PCSK6: variants seen among roughly 807,000 people sequenced by gnomAD.
PCSK6 encodes the protein paired basic amino acid cleaving enzyme 4.
In PCSK6, 85 loss-of-function variants were observed where a neutral mutation model predicts 123.3. The observed-to-expected ratio is 0.69, with a 90% CI of 0.58 to 0.83. The LOEUF (loss-of-function observed/expected upper bound fraction) is 0.83. Among genes scored for constraint, PCSK6 ranks in the 40% least tolerant of loss-of-function variants. The probability of loss-of-function intolerance (pLI) is 0.00; values close to 1 mark genes in which losing one functional copy is unlikely to be tolerated. For synonymous variants in PCSK6, 508 were observed against 516.0 expected, an observed-to-expected ratio of 0.98 and a Z score of 0.21; for missense variants, 1,191 against 1,282.3, an observed-to-expected ratio of 0.93 and a Z score of 1.09.
intron 13 of PCSK6, among the ~76,000 whole-genome samples, chr15:101,361,859 G>A (rs1294994986): frequency 2.0e-5 from 3 of 151,832 alleles, no homozygotes; most frequent in Non-Finnish European, 4.4e-5. Context: ...GCAGTGGGCA[G>A]ACTGAGATAT....
intron 1 of PCSK6, among the ~76,000 whole-genome samples, chr15:101,446,855 T>C (rs12101753): frequency 0.041 from 6,187 of 151,896 alleles, 401 homozygotes; most frequent in African/African-American, 0.14. Context: ...ACGTGCTTTT[T>C]CCATAAACCT....
intron 1 of PCSK6, among the ~76,000 whole-genome samples, chr15:101,464,075 T>C (rs1174510249): frequency 1.3e-5 from 2 of 152,044 alleles, no homozygotes; most frequent in Admixed American, 1.3e-4. Flanking sequence ...GGCAGCGAAC[T>C]CTCACCCACC....
chr15:101,339,538 C>T (rs952420675), intron 13 of PCSK6, among the ~76,000 whole-genome samples: 4 of 152,182 alleles, frequency 2.6e-5, no homozygotes, highest in African/African-American at 9.7e-5. Context: ...ATACTGAATA[C>T]TCCTATAATT....
chr15:101,408,068 AG>A (rs1209911052), intron 6 of PCSK6, among the ~76,000 whole-genome samples: 2 of 152,184 alleles, frequency 1.3e-5, no homozygotes, highest in African/African-American at 4.8e-5. Flanking sequence ...ACACACAGGA[AG>A]CCAGTGAGAG....
intron 7 of PCSK6, among the ~76,000 whole-genome samples, chr15:101,396,334 G>C (rs1015156675): frequency 7.9e-5 from 12 of 152,200 alleles, no homozygotes; most frequent in Admixed American, 5.9e-4. Context: ...CATAGGCTCA[G>C]TGAACCAGAG....
At chr15:101,326,834 A>G (rs2040266460) in intron 15 of PCSK6, among the ~76,000 whole-genome samples, 1 of 152,180 alleles carries the variant, frequency 6.6e-6, no homozygotes, top group Admixed American at 6.5e-5. Context: ...TCATTCACTC[A>G]CTTGCACCAG....
intron 11 of PCSK6, among the ~76,000 whole-genome samples, chr15:101,376,401 C>T (rs141138311): frequency 2.0e-4 from 30 of 152,304 alleles, no homozygotes; most frequent in Non-Finnish European, 3.1e-4. Context: ...GTTCCAGCAA[C>T]GAGCACTAGT....
chr15:101,438,610 G>A (rs1350301393), intron 2 of PCSK6, among the ~76,000 whole-genome samples: 6 of 152,180 alleles, frequency 3.9e-5, no homozygotes, highest in Non-Finnish European at 7.4e-5. Context: ...GCGTCAGTCC[G>A]CCTTCCCATC....
chr15:101,342,129 C>CAAAAAAAAAAAAAAA (rs35083182), intron 13 of PCSK6, among the ~76,000 whole-genome samples: 21 of 51,518 alleles, frequency 4.1e-4, no homozygotes, highest in South Asian at 9.1e-4. Flanking sequence ...GACCCTGTCT[C>CAAAAAAAAAAAAAAA]AAAAAAAAAA....
intron 19 of PCSK6, among the ~76,000 whole-genome samples, chr15:101,317,213 G>A (rs1389322017): frequency 6.6e-6 from 1 of 152,144 alleles, no homozygotes; most frequent in African/African-American, 2.4e-5. Flanking sequence ...TGCCCGGCCA[G>A]TAGAGACTTA....
At chr15:101,455,829 A>G (rs4965385) in intron 1 of PCSK6, among the ~76,000 whole-genome samples, 36,716 of 152,196 alleles carry the variant, frequency 0.24, 4,715 homozygotes, top group South Asian at 0.33. Flanking sequence ...TCACCAAAAT[A>G]CAACTGAGGG....
Position 101,307,198 on chromosome 15 carries a change from C to A in PCSK6, c.2812+15G>T, listed in dbSNP as rs752238869. ...CCTCCACAGGCAGCCCCAGGGTAAC[C>A]CAGCTGCTGCTCACCGTTGCTGCAC... On this transcript the variant is annotated intron_variant, in intron 21 of 21. Transcript: ENST00000611716. The A allele has an allele frequency of 6.2e-7, 1 of 1,601,150 alleles. No individual in the cohort carries two copies. Among genetic ancestry groups the A allele is most frequent in the Non-Finnish European group, 8.6e-7 (1 of 1,169,508 alleles).
chr15:101,437,786 C>T (rs911312149), intron 2 of PCSK6, among the ~76,000 whole-genome samples: 5 of 152,136 alleles, frequency 3.3e-5, no homozygotes, highest in Non-Finnish European at 7.4e-5. Context: ...CGCCACCCAC[C>T]TCCACTCACT....
At chr15:101,320,926 G>A (rs1021318006) in intron 18 of PCSK6, among the ~76,000 whole-genome samples, 3 of 152,172 alleles carry the variant, frequency 2.0e-5, no homozygotes, top group African/African-American at 4.8e-5. Context: ...GACAGGAGGC[G>A]TTTTCTCTTT....
chr15:101,342,269 A>T (rs2040632817), intron 13 of PCSK6, among the ~76,000 whole-genome samples: 2 of 152,140 alleles, frequency 1.3e-5, no homozygotes, highest in Non-Finnish European at 2.9e-5. Flanking sequence ...AGGGGGATGG[A>T]ATTACACTGT....
intron 6 of PCSK6, among the ~76,000 whole-genome samples, chr15:101,413,390 CAAG>C (rs2055774500): frequency 6.6e-6 from 1 of 151,504 alleles, no homozygotes. Flanking sequence ...AAAAGCTATA[CAAG>C]AAGACATACT....
chr15:101,321,121 C>G (rs2040113254), intron 18 of PCSK6, among the ~76,000 whole-genome samples: 1 of 152,228 alleles, frequency 6.6e-6, no homozygotes, highest in Non-Finnish European at 1.5e-5. Context: ...TGAGGATCCA[C>G]TCCTGGGCTG....
chr15:101,379,742 T>C (rs1366580902), intron 11 of PCSK6, among the ~76,000 whole-genome samples: 1 of 152,188 alleles, frequency 6.6e-6, no homozygotes, highest in African/African-American at 2.4e-5. Context: ...TTCCTTTTCA[T>C]TTTCGGCCAC....
intron 6 of PCSK6, among the ~76,000 whole-genome samples, chr15:101,420,949 C>CT (rs2056065060): frequency 1.3e-5 from 2 of 152,108 alleles, no homozygotes; most frequent in African/African-American, 4.8e-5. Context: ...AGTTTTGTTT[C>CT]TTTTTTATTA....
Sources: gnomAD v4.1 joint callset for allele counts (sites outside exome capture counted in the v4.1 genomes callset) on GRCh38, gnomAD v4.1.1 for gene constraint, MANE v1.5 for transcripts, NCBI Gene and HGNC (gene_info 2026-07-23, HGNC 2026-07-21) for gene names.